Variants in UBIAD1 observed in about 807,000 individuals in gnomAD.
UBIAD1 encodes ubiA prenyltransferase domain-containing protein 1.
UBIAD1 carries 12 observed loss-of-function variants against 20.1 expected under a neutral mutation model. The ratio of observed to expected loss-of-function variants is 0.60; its 90% CI spans 0.38 to 0.97. The LOEUF (loss-of-function observed/expected upper bound fraction) is 0.97. Among genes scored for constraint, UBIAD1 ranks in the 50% least tolerant of loss-of-function variants. UBIAD1 has a pLI of 0.00. For synonymous variants in UBIAD1, 207 were observed against 189.2 expected, an observed-to-expected ratio of 1.09 and a Z score of -0.77; for missense variants, 333 against 419.5, an observed-to-expected ratio of 0.79 and a Z score of 1.80.
In UBIAD1 at chr1:11,273,291, G is replaced by A. The variant is rs1453233379; in HGVS notation, c.-241G>A. Reference sequence around the variant, plus strand: ...CGGCTCAGCCGTGGGCTCTAACGCGGGGCTGGGGGCCGGAGACAGACTTCG... The same window carrying A: ...CGGCTCAGCCGTGGGCTCTAACGCGAGGCTGGGGGCCGGAGACAGACTTCG... On this transcript the variant is annotated 5_prime_UTR_variant, in exon 1 of 2. Transcript: ENST00000376810. This position sits in a 1 kb window ranked among gnomAD's most constrained non-coding sequence, Gnocchi z 4.9. 2 of 570,604 alleles carry A rather than the reference G, an allele frequency of 3.5e-6. No individual in the cohort carries two copies. Among genetic ancestry groups the A allele is most frequent in the Admixed American group, 3.1e-5 (1 of 32,750 alleles). 35.3% of individuals were successfully genotyped at this position (570,604 alleles called of 1,614,324 possible).
rs1638288139 is a variant in UBIAD1 at position 11,287,225 on chromosome 1, G to A, written c.*1094G>A. 1 of 152,296 alleles carries A rather than the reference G, an allele frequency of 6.6e-6. No homozygotes were observed. The highest frequency in any genetic ancestry group is 2.4e-5 in the African/African-American group (1 of 41,472). 9.4% of individuals were successfully genotyped at this position (152,296 alleles called of 1,614,324 possible). On this transcript the variant is annotated 3_prime_UTR_variant, in exon 2 of 2. Transcript: ENST00000376810. ...CAGTCTTGAGCTCTGTTCAGCCAGAGTGATGGGCCCTGCCAGTTAAGGGGC... is the reference window on the plus strand; with the variant it reads ...CAGTCTTGAGCTCTGTTCAGCCAGAATGATGGGCCCTGCCAGTTAAGGGGC...
chr1:11,285,932 G>C lies in UBIAD1; in HGVS notation c.818G>C (p.Ser273Thr). ...CTCTTCCTGCCCTACCTGGTCTTCA[G>C]CATCCTGGCCACACACTGCACCATC... is the stretch of plus-strand genomic sequence containing the variant. ...TLLFLPYLVF[S>T]ILATHCTISL... The change falls in exon 2 of 2, where the codon AGC (serine) becomes ACC (threonine). Residue 273 changes from serine to threonine, a missense_variant. This residue lies in a region of UBIAD1 where 226 missense variants were observed against 263.5 expected (regional missense o/e 0.86). Transcript: ENST00000376810. This position sits in a 1 kb window ranked among gnomAD's most constrained non-coding sequence, Gnocchi z 4.4. 1 of 1,614,116 alleles carries C rather than the reference G, an allele frequency of 6.2e-7. No homozygotes were observed. The highest frequency in any genetic ancestry group is 8.5e-7 in the Non-Finnish European group (1 of 1,180,030).
At position 11,273,684 on chromosome 1, in the gene UBIAD1, G is replaced by A. The variant is rs907411910; in HGVS notation, c.153G>A (p.Leu51=). The A allele has an allele frequency of 6.2e-7, 1 of 1,614,056 alleles. No homozygotes were observed. The highest frequency in any genetic ancestry group is 1.3e-5 in the African/African-American group (1 of 74,908). ...GGCAGAAGTGTGCCTCCTACGTGTT[G>A]GCCCTGAGGCCCTGGAGCTTCAGTG... The part of the protein sequence containing the change: ...SWRQKCASYV[L]ALRPWSFSAS... Residue 51 remains leucine, a synonymous_variant, in exon 1 of 2, where the codon TTG becomes TTA. Coordinates refer to ENST00000376810, the MANE Select transcript of UBIAD1 (RefSeq NM_013319.3). This position sits in a 1 kb window ranked among gnomAD's most constrained non-coding sequence, Gnocchi z 4.9.
intron 1 of UBIAD1, among the ~76,000 whole-genome samples, chr1:11,284,836 G>A (rs775594126): frequency 3.3e-5 from 5 of 152,172 alleles, no homozygotes; most frequent in Middle Eastern, 6.8e-3. Context: ...AGAGGGGGAG[G>A]GGTTATGAGA....
chr1:11,273,958 T>C lies in UBIAD1; in HGVS notation c.427T>C (p.Cys143Arg). Residue 143 changes from cysteine to arginine, a missense_variant, in exon 1 of 2, where the codon TGC becomes CGC. Physicochemically the swap from Cys to Arg is radical, Grantham distance 180 (BLOSUM62 -3). Coordinates refer to ENST00000376810, the MANE Select transcript of UBIAD1 (RefSeq NM_013319.3). The surrounding 1 kb of genome is among the most constrained non-coding windows in gnomAD (Gnocchi z 4.9). ...RFGVFLYTLG[C>R]VCAACLYYLS... The stretch of plus-strand genomic sequence containing the variant: ...CGGAGTCTTCCTCTACACGTTGGGC[T>C]GCGTCTGTGCCGCTTGCCTCTACTA... The C allele has an allele frequency of 6.2e-7, 1 of 1,614,260 alleles. No homozygotes were observed. The highest frequency in any genetic ancestry group is 8.5e-7 in the Non-Finnish European group (1 of 1,180,050).
chr1:11,291,371 G>C (rs1638362892), downstream of UBIAD1, among the ~76,000 whole-genome samples: 1 of 152,124 alleles, frequency 6.6e-6, no homozygotes, highest in African/African-American at 2.4e-5. Context: ...ACTTTGGGAG[G>C]TCAAGGTGGG....
intron 1 of UBIAD1, among the ~76,000 whole-genome samples, chr1:11,282,708 G>T (rs879652202): frequency 1.4e-5 from 2 of 143,318 alleles, no homozygotes; most frequent in Admixed American, 7.0e-5. Context: ...GATTACAGGC[G>T]TGCACCACCA....
intron 1 of UBIAD1, among the ~76,000 whole-genome samples, chr1:11,280,465 C>T (rs1046895253): frequency 1.3e-5 from 2 of 152,176 alleles, no homozygotes; most frequent in African/African-American, 2.4e-5. Context: ...TCTTAAACTC[C>T]AGACTCATAT....
intron 1 of UBIAD1, chr1:11,278,542 G>T: frequency 1.1e-6 from 1 of 894,060 alleles, no homozygotes. Context: ...TTTGCATTGT[G>T]ATATTTAATC....
At chr1:11,298,779 C>T (rs1015087408), downstream of UBIAD1, among the ~76,000 whole-genome samples, 1 of 152,054 alleles carries the variant, frequency 6.6e-6, no homozygotes. This position sits in a 1 kb window ranked among gnomAD's most constrained non-coding sequence, Gnocchi z 4.0. Flanking sequence ...AATGTCTAGA[C>T]AAGCAGTCTC....
At chr1:11,281,330 G>A (rs1652235634) in intron 1 of UBIAD1, among the ~76,000 whole-genome samples, 1 of 151,934 alleles carries the variant, frequency 6.6e-6, no homozygotes. Context: ...ACCTTCTAAT[G>A]TGCCATATAA....
In UBIAD1 at chr1:11,285,825, GGA is replaced by G; in HGVS notation, c.713_714del (p.Glu238ValfsTer59). The G allele has an allele frequency of 6.2e-7, 1 of 1,614,190 alleles. No homozygotes were observed. The highest frequency in any genetic ancestry group is 8.5e-7 in the Non-Finnish European group (1 of 1,180,036). ...TCCATTCCAACAACACCAGGGACAT[GGA>G]GTCCGACCGGGAGGCTGGTATCGTC... is the stretch of plus-strand genomic sequence containing the variant. ...ILHSNNTRDM[E>X]SDREAGIVTL... On this transcript the variant is annotated frameshift_variant, in exon 2 of 2. Coordinates refer to ENST00000376810, the MANE Select transcript of UBIAD1 (RefSeq NM_013319.3). LOFTEE classifies it high-confidence loss of function. The surrounding 1 kb of genome is among the most constrained non-coding windows in gnomAD (Gnocchi z 4.4).
chr1:11,285,454 C>G lies in UBIAD1; in HGVS notation c.530-190C>G, dbSNP rs1638243222. Among the ~76,000 whole-genome samples, 1 of 152,138 alleles carries G rather than the reference C, an allele frequency of 6.6e-6. No individual in the cohort carries two copies. Among genetic ancestry groups the G allele is most frequent in the Admixed American group, 6.5e-5 (1 of 15,276 alleles). On this transcript the variant is annotated intron_variant, in intron 1 of 1. Transcript: ENST00000376810. This position sits in a 1 kb window ranked among gnomAD's most constrained non-coding sequence, Gnocchi z 4.4. ...GACTTGAGGCCTCACTGGGCATTCTCTCTGCACCTGTGGCATTGGAGAAGA... is the reference window on the plus strand; with the variant it reads ...GACTTGAGGCCTCACTGGGCATTCTGTCTGCACCTGTGGCATTGGAGAAGA...
In UBIAD1 at chr1:11,285,945, A is replaced by G. The variant is rs759653269; in HGVS notation, c.831A>G (p.Thr277=). 14 of 1,614,168 alleles carry G rather than the reference A, an allele frequency of 8.7e-6. No individual in the cohort carries two copies. Among genetic ancestry groups the G allele is most frequent in the Admixed American group, 1.7e-5 (1 of 60,022 alleles). ...LPYLVFSILA[T]HCTISLALPL... is the part of the protein sequence containing the mutation. ...ACCTGGTCTTCAGCATCCTGGCCAC[A>G]CACTGCACCATCAGCCTGGCACTCC... is the stretch of plus-strand genomic sequence containing the variant. The change falls in exon 2 of 2, where the codon ACA becomes ACG. Residue 277 remains threonine (T), a synonymous_variant. Coordinates refer to ENST00000376810, the MANE Select transcript of UBIAD1 (RefSeq NM_013319.3). This position sits in a 1 kb window ranked among gnomAD's most constrained non-coding sequence, Gnocchi z 4.4.
chr1:11,280,928 G>A (rs1417611604), intron 1 of UBIAD1, among the ~76,000 whole-genome samples: 4 of 152,208 alleles, frequency 2.6e-5, no homozygotes, highest in African/African-American at 9.6e-5. Context: ...ATCTTGCTCA[G>A]AGTAAAGGCC....
At chr1:11,297,327 A>G (rs1638464817), downstream of UBIAD1, among the ~76,000 whole-genome samples, 1 of 152,212 alleles carries the variant, frequency 6.6e-6, no homozygotes, top group Non-Finnish European at 1.5e-5. Context: ...ATGGGAGGAC[A>G]CAGCTGGAAG....
At chr1:11,298,276 T>A (rs1638478002), downstream of UBIAD1, among the ~76,000 whole-genome samples, 1 of 151,850 alleles carries the variant, frequency 6.6e-6, no homozygotes, top group Non-Finnish European at 1.5e-5. The surrounding 1 kb of genome is among the most constrained non-coding windows in gnomAD (Gnocchi z 4.0). Context: ...TATTATATTT[T>A]AAAAAATTGG....
At chr1:11,299,503 G>A (rs995072642), downstream of UBIAD1, among the ~76,000 whole-genome samples, 1 of 152,166 alleles carries the variant, frequency 6.6e-6, no homozygotes, top group African/African-American at 2.4e-5. Flanking sequence ...TTTGAAGGGG[G>A]GAGCAAAGCG....
At chr1:11,296,886 C>CA (rs58214366), downstream of UBIAD1, among the ~76,000 whole-genome samples, 147,578 of 152,256 alleles carry the variant, frequency 0.97, 71,573 homozygotes, top group East Asian at 1. Flanking sequence ...ACTTTCCTAC[C>CA]AAGGCAGAGG....
Sources: allele counts gnomAD v4.1 joint callset (sites outside exome capture counted in the v4.1 genomes callset), GRCh38; gene constraint gnomAD v4.1.1; regional missense constraint gnomAD v4.1.1; non-coding constraint Gnocchi (gnomAD v3.1); transcripts MANE v1.5; gene names NCBI Gene and HGNC (gene_info 2026-07-23, HGNC 2026-07-21).